DENND5B: variants seen among roughly 807,000 people sequenced by gnomAD.
DENND5B encodes the protein DENN domain-containing protein 5B.
A neutral mutation model predicts 140.6 loss-of-function variants in DENND5B; 34 were observed. The observed-to-expected ratio is 0.24, with a 90% CI of 0.18 to 0.32. The LOEUF is 0.32. Among genes scored for constraint, DENND5B ranks in the 10% least tolerant of loss-of-function variants. The pLI is 1.00. For synonymous variants in DENND5B, 551 were observed against 562.1 expected (o/e 0.98, Z 0.28); for missense variants, 1,142 against 1,560.2 (o/e 0.73, Z 4.52).
intron 1 of DENND5B, among the ~76,000 whole-genome samples, chr12:31,570,520 A>C (rs912888362): frequency 2.0e-5 from 3 of 146,622 alleles, no homozygotes; most frequent in Non-Finnish European, 3.0e-5. Context: ...CTCGTGATCC[A>C]CCCGCCTCGG....
intron 3 of DENND5B, among the ~76,000 whole-genome samples, chr12:31,477,014 G>A (rs1945845516): frequency 1.3e-5 from 2 of 152,014 alleles, no homozygotes; most frequent in Admixed American, 6.6e-5. Flanking sequence ...GGATCATGAG[G>A]TCAGGAGTTC....
At chr12:31,518,293 A>G (rs1367330800) in intron 1 of DENND5B, among the ~76,000 whole-genome samples, 1 of 152,236 alleles carries the variant, frequency 6.6e-6, no homozygotes. Flanking sequence ...TAAGAGCCTG[A>G]GCAGTCCCTC....
intron 15 of DENND5B, among the ~76,000 whole-genome samples, chr12:31,401,613 T>C (rs560707852): frequency 6.6e-6 from 1 of 152,228 alleles, no homozygotes; most frequent in African/African-American, 2.4e-5. Context: ...TTGACTACAA[T>C]ATTAAAAGGT....
intron 1 of DENND5B, among the ~76,000 whole-genome samples, chr12:31,552,772 A>C (rs1036691007): frequency 6.6e-6 from 1 of 152,260 alleles, no homozygotes; most frequent in South Asian, 2.1e-4. Flanking sequence ...TCAGAGATTC[A>C]ACTTCTTCCT....
chr12:31,586,933 G>A (rs1168803533), intron 1 of DENND5B, among the ~76,000 whole-genome samples: 2 of 152,294 alleles, frequency 1.3e-5, no homozygotes, highest in South Asian at 2.1e-4. Flanking sequence ...GCCTAACACA[G>A]TTTCATGATC....
rs146073128 is a variant in DENND5B, at chr12:31,538,307, T to C, written c.128-42388A>G. On this transcript the variant is annotated intron_variant, in intron 1 of 20. Coordinates refer to ENST00000389082, the MANE Select transcript of DENND5B (RefSeq NM_144973.4). Reference sequence around the variant, plus strand: ...AACATTTAAAAAAACTGAAATAATATAAAGCATCTTCTCTGACCACAATAG... The same window carrying C: ...AACATTTAAAAAAACTGAAATAATACAAAGCATCTTCTCTGACCACAATAG... Among the ~76,000 whole-genome samples the C allele has an allele frequency of 2.6e-3, 395 of 152,120 alleles. 3 individuals carry two copies. Among genetic ancestry groups the C allele is most frequent in the East Asian group, 9.1e-3 (47 of 5,176 alleles).
intron 1 of DENND5B, among the ~76,000 whole-genome samples, chr12:31,588,404 C>A (rs1223869761): frequency 3.9e-5 from 6 of 152,200 alleles, no homozygotes; most frequent in African/African-American, 1.4e-4. Context: ...ACAGTCGGCA[C>A]TTCACGTGGA....
intron 19 of DENND5B, among the ~76,000 whole-genome samples, chr12:31,391,155 A>AC (rs780952024): frequency 1.3e-5 from 2 of 151,380 alleles, no homozygotes; most frequent in Non-Finnish European, 1.5e-5. Context: ...GGCACTAAAC[A>AC]CCCCCTCCCC....
chr12:31,550,045 CTTTT>C (rs1008687707), intron 1 of DENND5B, among the ~76,000 whole-genome samples: 2 of 150,560 alleles, frequency 1.3e-5, no homozygotes, highest in Non-Finnish European at 3.0e-5. Flanking sequence ...AAAGGCCATT[CTTTT>C]TTTCTTTTTT....
At chr12:31,444,313 A>T (rs981481260) in intron 6 of DENND5B, 1 of 151,982 alleles carries the variant, frequency 6.6e-6, no homozygotes, top group Non-Finnish European at 1.5e-5. Flanking sequence ...GCGCAATCTC[A>T]GCTCACTGCA....
At chr12:31,577,567 C>G (rs1950057624) in intron 1 of DENND5B, among the ~76,000 whole-genome samples, 1 of 151,630 alleles carries the variant, frequency 6.6e-6, no homozygotes. Context: ...AAAAATTAGC[C>G]AGGCGTGGTG....
At position 31,424,955 on chromosome 12, in the gene DENND5B, T is replaced by C. The variant is rs114899189; in HGVS notation, c.2239-268A>G. Among the ~76,000 whole-genome samples, 1,157 of 152,316 alleles carry C rather than the reference T, an allele frequency of 7.6e-3. 14 individuals carry two copies. The highest frequency in any genetic ancestry group is 0.026 in the African/African-American group (1,080 of 41,566). The stretch of plus-strand genomic sequence containing the variant: ...GGCATCCCCATGTTGAAAAGATGCT[T>C]ATATACAACAGTTGTCAAATTATTA... On this transcript the variant is annotated intron_variant, in intron 9 of 20. Coordinates refer to ENST00000389082, the MANE Select transcript of DENND5B (RefSeq NM_144973.4).
chr12:31,543,296 T>C (rs2139183032), intron 1 of DENND5B, among the ~76,000 whole-genome samples: 1 of 152,290 alleles, frequency 6.6e-6, no homozygotes, highest in Non-Finnish European at 1.5e-5. Context: ...CAGAAAATGT[T>C]AGGAGTAAGA....
chr12:31,492,147 G>A (rs1946549694), intron 2 of DENND5B, among the ~76,000 whole-genome samples: 2 of 152,174 alleles, frequency 1.3e-5, no homozygotes, highest in Admixed American at 1.3e-4. Flanking sequence ...ATGCTATGTG[G>A]TGCTTAACCA....
intron 1 of DENND5B, among the ~76,000 whole-genome samples, chr12:31,523,064 T>TC (rs1227800709): frequency 2.0e-5 from 3 of 151,380 alleles, no homozygotes; most frequent in African/African-American, 7.3e-5. Flanking sequence ...TTTTTCCTTT[T>TC]TTTTTTTTTT....
At chr12:31,456,509 T>C (rs1277747914) in intron 4 of DENND5B, among the ~76,000 whole-genome samples, 1 of 152,236 alleles carries the variant, frequency 6.6e-6, no homozygotes, top group Admixed American at 6.5e-5. Flanking sequence ...GTTATTGGTA[T>C]TTGTAAATGA....
At chr12:31,577,196 T>C (rs2139442643) in intron 1 of DENND5B, among the ~76,000 whole-genome samples, 1 of 152,314 alleles carries the variant, frequency 6.6e-6, no homozygotes, top group South Asian at 2.1e-4. Flanking sequence ...ATTGATGTTT[T>C]CTCAAACTAT....
intron 6 of DENND5B, chr12:31,443,730 A>C (rs1488000761): frequency 6.6e-6 from 1 of 152,228 alleles, no homozygotes; most frequent in Non-Finnish European, 1.5e-5. Flanking sequence ...CTCCATCTGT[A>C]AAAACAAGGA....
In DENND5B at chr12:31,468,698, C is replaced by T. The variant is rs147202947; in HGVS notation, c.905-8317G>A. Among the ~76,000 whole-genome samples, 198 of 152,068 alleles carry T rather than the reference C, an allele frequency of 1.3e-3. 1 individual carries two copies. The highest frequency in any genetic ancestry group is 4.7e-3 in the African/African-American group (193 of 41,472). The stretch of plus-strand genomic sequence containing the variant: ...TGGTGGCACACACCTGTAGCTCCAG[C>T]TACGTGGGAGGCTAAGGCAGGAGGA... On this transcript the variant is annotated intron_variant, in intron 3 of 20. Transcript: ENST00000389082.
Sources: allele counts gnomAD v4.1 joint callset (sites outside exome capture counted in the v4.1 genomes callset), GRCh38; gene constraint gnomAD v4.1.1; transcripts MANE v1.5; gene names NCBI Gene and HGNC (gene_info 2026-07-23, HGNC 2026-07-21).